The following HS6ST3 variants were observed in gnomAD, a reference collection of about 807,000 sequenced individuals.
HS6ST3 encodes the protein heparan-sulfate 6-O-sulfotransferase 3.
Under a neutral mutation model 36.7 loss-of-function variants are expected in HS6ST3, and 12 were observed. The ratio of observed to expected loss-of-function variants is 0.33; its 90% confidence interval spans 0.21 to 0.53. The LOEUF is 0.53. Among genes scored for constraint, HS6ST3 ranks in the 20% least tolerant of loss-of-function variants. The pLI is 0.95. For missense variants in HS6ST3, 584 were observed against 640.9 expected (o/e 0.91, Z 0.96); for synonymous variants, 240 against 257.5 (o/e 0.93, Z 0.65).
At chr13:96,479,077 GC>G (rs1424359048) in intron 1 of HS6ST3, among the ~76,000 whole-genome samples, 4 of 152,300 alleles carry the variant, frequency 2.6e-5, no homozygotes, top group Admixed American at 6.5e-5. Flanking sequence ...GTGTCAAGGA[GC>G]TCTCCTGGCA....
intron 1 of HS6ST3, among the ~76,000 whole-genome samples, chr13:96,233,431 G>A (rs537456607): frequency 1.3e-3 from 194 of 152,202 alleles, no homozygotes; most frequent in Middle Eastern, 3.4e-3. Flanking sequence ...TGGAAAATGC[G>A]GTTTTGAACT....
intron 1 of HS6ST3, among the ~76,000 whole-genome samples, chr13:96,761,079 G>C (rs1876959747): frequency 6.6e-6 from 1 of 150,590 alleles, no homozygotes; most frequent in Non-Finnish European, 1.5e-5. Context: ...GAAACTTTTA[G>C]CATTTTCTCT....
intron 1 of HS6ST3, among the ~76,000 whole-genome samples, chr13:96,147,402 G>A (rs573909): frequency 0.81 from 123,446 of 152,182 alleles, 50,553 homozygotes; most frequent in East Asian, 0.91. Context: ...AAACTGAAGA[G>A]TCACTAACCA....
At chr13:96,302,895 A>G (rs931688768) in intron 1 of HS6ST3, among the ~76,000 whole-genome samples, 1 of 152,172 alleles carries the variant, frequency 6.6e-6, no homozygotes, top group Non-Finnish European at 1.5e-5. Flanking sequence ...TTGGCATACC[A>G]TGGCCCTTAG....
In HS6ST3 at chr13:96,649,587, C is replaced by T. The variant is rs539777088; in HGVS notation, c.708-182903C>T. 4.6e-5 allele frequency among the ~76,000 whole-genome samples: 7 copies of T among 152,130 alleles called. No homozygotes were observed. In the South Asian group the frequency reaches 1.4e-3, roughly 31 times the overall value. On this transcript the variant is annotated intron_variant, in intron 1 of 1. Transcript: ENST00000376705. ...ACATCCAATTTGTCAGAAGGAAAGC[C>T]TGTTGCTTCTACCATCAAGATGCCA...
intron 1 of HS6ST3, among the ~76,000 whole-genome samples, chr13:96,471,790 G>A (rs1028915386): frequency 3.3e-5 from 5 of 152,264 alleles, no homozygotes; most frequent in East Asian, 1.9e-4. Flanking sequence ...GAATGGAATC[G>A]TGCTTATATT....
chr13:96,213,990 T>G (rs2054411815), intron 1 of HS6ST3, among the ~76,000 whole-genome samples: 1 of 152,156 alleles, frequency 6.6e-6, no homozygotes, highest in Admixed American at 6.5e-5. Flanking sequence ...TTCCCTAGTT[T>G]AGGAAATAAA....
intron 1 of HS6ST3, among the ~76,000 whole-genome samples, chr13:96,375,306 T>G (rs1888976): frequency 0.44 from 66,140 of 152,002 alleles, 15,352 homozygotes; most frequent in Non-Finnish European, 0.54. Flanking sequence ...TTTATAGCCT[T>G]TAGCATGACC....
At chr13:96,769,212 G>T (rs1160458552) in intron 1 of HS6ST3, among the ~76,000 whole-genome samples, 3 of 152,174 alleles carry the variant, frequency 2.0e-5, no homozygotes, top group Non-Finnish European at 4.4e-5. Flanking sequence ...TTCTTTACAA[G>T]ACATCTCAGC....
At chr13:96,262,270 C>A (rs1157532184) in intron 1 of HS6ST3, among the ~76,000 whole-genome samples, 1 of 152,004 alleles carries the variant, frequency 6.6e-6, no homozygotes, top group African/African-American at 2.4e-5. Flanking sequence ...AGAAGGCAAA[C>A]GTTTTCTATG....
Position 96,630,739 on chromosome 13 carries a change from T to C in HS6ST3, c.708-201751T>C, listed in dbSNP as rs188662990. 2.9e-3 allele frequency among the ~76,000 whole-genome samples: 442 copies of C among 152,300 alleles called. 1 individual carries two copies. The highest frequency in any genetic ancestry group is 0.01 in the African/African-American group (431 of 41,578). ...CCTTTCTGGAGTTTGGTTTTCACTT[T>C]ATTTGGGGCTTTCAATTCATTTTGG... On this transcript the variant is annotated intron_variant, in intron 1 of 1. Transcript: ENST00000376705.
Position 96,091,587 on chromosome 13 carries a change from G to T in HS6ST3, c.707+18G>T. ...CACACCAGGTACTGTCGCCCGCTGG[G>T]TCTCTGTTCTTCCCCCCCACCCCCC... On this transcript the variant is annotated intron_variant, in intron 1 of 1. Coordinates refer to ENST00000376705, the MANE Select transcript of HS6ST3 (RefSeq NM_153456.4). The T allele has an allele frequency of 1.3e-6, 2 of 1,547,188 alleles. No homozygotes were observed. Among genetic ancestry groups the T allele is most frequent in the South Asian group, 1.2e-5 (1 of 84,798 alleles).
chr13:96,495,851 T>C (rs971541250), intron 1 of HS6ST3, among the ~76,000 whole-genome samples: 6 of 152,238 alleles, frequency 3.9e-5, no homozygotes, highest in African/African-American at 1.4e-4. Context: ...TCATTAATGT[T>C]TGGATGTATT....
At chr13:96,442,044 CAG>C (rs3051040) in intron 1 of HS6ST3, among the ~76,000 whole-genome samples, 3,343 of 148,940 alleles carry the variant, frequency 0.022, 132 homozygotes, top group African/African-American at 0.079. Flanking sequence ...TTTTTTCAGA[CAG>C]AGTCTTACTC....
At chr13:96,328,027 T>C (rs1255480070) in intron 1 of HS6ST3, among the ~76,000 whole-genome samples, 1 of 147,912 alleles carries the variant, frequency 6.8e-6, no homozygotes, top group Non-Finnish European at 1.5e-5. Context: ...TCTACATTGA[T>C]TTTGTATCCT....
chr13:96,250,264 C>T (rs932629545), intron 1 of HS6ST3, among the ~76,000 whole-genome samples: 8 of 152,100 alleles, frequency 5.3e-5, no homozygotes, highest in African/African-American at 1.9e-4. Flanking sequence ...CCATAAAACC[C>T]CTGTGGTGGA....
chr13:96,270,330 A>T (rs1208816904), intron 1 of HS6ST3, among the ~76,000 whole-genome samples: 2 of 151,940 alleles, frequency 1.3e-5, no homozygotes, highest in Non-Finnish European at 2.9e-5. Flanking sequence ...TGTTTAAGCC[A>T]TCCAGTCTAT....
intron 1 of HS6ST3, among the ~76,000 whole-genome samples, chr13:96,582,036 G>T (rs1594811826): frequency 6.6e-6 from 1 of 152,220 alleles, no homozygotes; most frequent in Non-Finnish European, 1.5e-5. Flanking sequence ...TCCAGCTGTT[G>T]CAGCCATGAG....
chr13:96,628,101 G>A (rs570732505), intron 1 of HS6ST3, among the ~76,000 whole-genome samples: 32 of 151,516 alleles, frequency 2.1e-4, no homozygotes, highest in African/African-American at 7.5e-4. Flanking sequence ...TAAGTTTGAC[G>A]CTTAATTGAT....
Sources: gnomAD v4.1 joint callset for allele counts (sites outside exome capture counted in the v4.1 genomes callset) on GRCh38, gnomAD v4.1.1 for gene constraint, MANE v1.5 for transcripts, NCBI Gene and HGNC (gene_info 2026-07-23, HGNC 2026-07-21) for gene names.